Variants in VWF observed in about 807,000 individuals in gnomAD.
VWF encodes the protein von Willebrand factor, also known as Factor VIII related antigen.
Under a neutral mutation model 308.6 loss-of-function variants are expected in VWF, and 176 were observed. The ratio of observed to expected loss-of-function variants is 0.57; its 90% CI spans 0.50 to 0.65. The LOEUF (loss-of-function observed/expected upper bound fraction) is 0.65, where lower values mean the gene tolerates loss of function less well. VWF is among the 30% of genes least tolerant of loss of function. The probability of loss-of-function intolerance (pLI) is 0.00; values close to 1 mark genes in which losing one functional copy is unlikely to be tolerated. For synonymous variants in VWF, 1,385 were observed against 1,443.4 expected (o/e 0.96, Z 0.92); for missense variants, 3,146 against 3,648.2 (o/e 0.86, Z 3.55).
chr12:5,978,156 ATATAAT>A (rs72062234), intron 42 of VWF, among the ~76,000 whole-genome samples: 11,326 of 150,488 alleles, frequency 0.075, 614 homozygotes, highest in East Asian at 0.25. Flanking sequence ...TTACATCATA[ATATAAT>A]TATAATAGTT....
intron 43 of VWF, among the ~76,000 whole-genome samples, chr12:5,972,767 TACTAC>T: frequency 6.6e-6 from 1 of 152,132 alleles, no homozygotes; most frequent in Non-Finnish European, 1.5e-5. Flanking sequence ...ATGTACTAGG[TACTAC>T]GGAGGAGACA....
intron 6 of VWF, among the ~76,000 whole-genome samples, chr12:6,079,954 G>C (rs1440413621): frequency 6.6e-6 from 1 of 152,052 alleles, no homozygotes; most frequent in Non-Finnish European, 1.5e-5. Flanking sequence ...AAAGCAAACA[G>C]ATCCCCCTCA....
In VWF at chr12:6,121,320, C is replaced by A; in HGVS notation, c.74G>T (p.Gly25Val). 1.6e-5 allele frequency: 26 copies of A among 1,614,128 alleles called. No individual in the cohort carries two copies. Among genetic ancestry groups the A allele is most frequent in the Non-Finnish European group, 2.2e-5 (26 of 1,180,020 alleles). ...GGCCGTGGATGACCTGCCGCGAGTT[C>A]CTTCTGCACAAAGGGTCCCTGGAGG... ...LILPGTLCAE[G>V]TRGRSSTARC... The change falls in exon 3 of 52, where the codon GGA becomes GTA. Residue 25 changes from glycine (G) to valine (V), a missense_variant. By Grantham distance (109) the Gly-to-Val change is moderately radical. Transcript: ENST00000261405.
At chr12:5,970,617 C>T (rs748610678) in intron 44 of VWF, among the ~76,000 whole-genome samples, 20 of 152,108 alleles carry the variant, frequency 1.3e-4, no homozygotes, top group Non-Finnish European at 2.8e-4. Flanking sequence ...ATAGGCAACT[C>T]GGACTAGAGG....
At chr12:6,092,630 T>TGAGAGAGAGAGAGAGAGAGAGA (rs1219001307) in intron 6 of VWF, among the ~76,000 whole-genome samples, 2 of 72,946 alleles carry the variant, frequency 2.7e-5, no homozygotes, top group African/African-American at 1.6e-4. Flanking sequence ...TGTGTGTGTG[T>TGAGAGAGAGAGAGAGAGAGAGA]GTGTGTGTGT....
At chr12:6,115,993 T>C (rs1945360687) in intron 3 of VWF, among the ~76,000 whole-genome samples, 1 of 152,212 alleles carries the variant, frequency 6.6e-6, no homozygotes, top group Non-Finnish European at 1.5e-5. Context: ...TGTTCTAGGA[T>C]TGCACTAATC....
At chr12:5,991,280 T>C (rs185695176) in intron 38 of VWF, among the ~76,000 whole-genome samples, 2 of 151,902 alleles carry the variant, frequency 1.3e-5, no homozygotes, top group East Asian at 3.9e-4. Flanking sequence ...CAAGGTACAG[T>C]AGTATATTAA....
intron 6 of VWF, among the ~76,000 whole-genome samples, chr12:6,078,400 A>G (rs1205808193): frequency 6.6e-6 from 1 of 152,098 alleles, no homozygotes; most frequent in Admixed American, 6.5e-5. Context: ...AGGGAAGGAG[A>G]CTGAGGCCTG....
chr12:5,963,874 T>C (rs960759509), intron 47 of VWF, among the ~76,000 whole-genome samples: 5 of 152,058 alleles, frequency 3.3e-5, no homozygotes, highest in Non-Finnish European at 7.4e-5. Context: ...ACTTTTTATT[T>C]TGCAAAGTAA....
At position 5,995,914 on chromosome 12, in the gene VWF, C is replaced by T. The variant is rs570132346; in HGVS notation, c.6063+88G>A. 4 of 1,259,318 alleles carry T rather than the reference C, an allele frequency of 3.2e-6. No individual in the cohort carries two copies. The South Asian group carries it at 5.1e-5, about 16-fold the overall frequency. 78.0% of individuals were successfully genotyped at this position (1,259,318 alleles called of 1,614,324 possible). ...CAGAAGGCAGAGCTCCTAACAAGAGCATCAACTAAAAGCAACTGCCACCAG... is the reference window on the plus strand; with the variant it reads ...CAGAAGGCAGAGCTCCTAACAAGAGTATCAACTAAAAGCAACTGCCACCAG... On this transcript the variant is annotated intron_variant, in intron 35 of 51. Coordinates refer to ENST00000261405, the MANE Select transcript of VWF (RefSeq NM_000552.5).
At chr12:6,095,942 G>A in intron 5 of VWF, 1 of 355,490 alleles carries the variant, frequency 2.8e-6, no homozygotes, top group Non-Finnish European at 5.5e-6. Flanking sequence ...CAGTAGCTGG[G>A]AATGCAGGTG....
chr12:5,982,104 G>T, intron 41 of VWF, 113 bp from the exon 42 acceptor site: 1 of 984,754 alleles, frequency 1.0e-6, no homozygotes, highest in Non-Finnish European at 1.6e-6. Context: ...AGTCAGAAAT[G>T]TGTGAGGGCC....
chr12:6,095,682 G>A, intron 5 of VWF, 98 bp from the exon 6 acceptor site: 1 of 1,576,418 alleles, frequency 6.3e-7, no homozygotes, highest in Non-Finnish European at 8.7e-7. Context: ...TGTGTGTTTT[G>A]TTTTAATTTT....
At chr12:6,037,598 C>T (rs572711065) in intron 18 of VWF, among the ~76,000 whole-genome samples, 6 of 152,244 alleles carry the variant, frequency 3.9e-5, no homozygotes, top group Non-Finnish European at 7.3e-5. Flanking sequence ...CATGCAGACA[C>T]GCTTCTGTCC....
At chr12:5,965,695 G>T (rs560095054) in intron 47 of VWF, among the ~76,000 whole-genome samples, 1 of 152,178 alleles carries the variant, frequency 6.6e-6, no homozygotes, top group Non-Finnish European at 1.5e-5. Context: ...AGTTCAAGCC[G>T]ACCTACCTAG....
intron 45 of VWF, 98 bp from the exon 46 acceptor site, chr12:5,968,265 G>C: frequency 2.0e-6 from 3 of 1,475,674 alleles, no homozygotes; most frequent in Non-Finnish European, 2.8e-6. Flanking sequence ...TCCGTGTCTG[G>C]GCCTCCCTCC....
intron 42 of VWF, among the ~76,000 whole-genome samples, chr12:5,981,287 G>A (rs1466063779): frequency 2.6e-5 from 4 of 152,092 alleles, no homozygotes; most frequent in East Asian, 1.9e-4. Context: ...TCACCTACTC[G>A]TGAGGCAGAG....
At chr12:5,956,054 T>C (rs1405122522) in intron 47 of VWF, among the ~76,000 whole-genome samples, 1 of 152,212 alleles carries the variant, frequency 6.6e-6, no homozygotes, top group East Asian at 1.9e-4. Flanking sequence ...ACAGACTGCA[T>C]GTATGACAAC....
At chr12:6,089,691 T>G (rs1278069066) in intron 6 of VWF, among the ~76,000 whole-genome samples, 1 of 152,058 alleles carries the variant, frequency 6.6e-6, no homozygotes, top group Non-Finnish European at 1.5e-5. Flanking sequence ...ATTCCGAGGG[T>G]AGGGAACATT....
Sources: gnomAD v4.1 joint callset for allele counts (sites outside exome capture counted in the v4.1 genomes callset) on GRCh38, gnomAD v4.1.1 for gene constraint, MANE v1.5 for transcripts, NCBI Gene and HGNC (gene_info 2026-07-23, HGNC 2026-07-21) for gene names.